Variants in ROCK2 observed in about 807,000 individuals in gnomAD.
ROCK2 encodes rho-associated protein kinase 2.
Under a neutral mutation model 195.1 loss-of-function variants are expected in ROCK2, and 61 were observed. The ratio of observed to expected loss-of-function variants is 0.31; its 90% CI spans 0.25 to 0.39. The LOEUF (loss-of-function observed/expected upper bound fraction) is 0.39. Among genes scored for constraint, ROCK2 ranks in the 10% least tolerant of loss-of-function variants. The probability of loss-of-function intolerance (pLI) is 1.00; values close to 1 mark genes in which losing one functional copy is unlikely to be tolerated. For synonymous variants in ROCK2, 504 were observed against 545.5 expected (o/e 0.92, Z 1.06); for missense variants, 1,109 against 1,637.4 (o/e 0.68, Z 5.57).
In ROCK2 at chr2:11,179,940, T is replaced by C. The variant is rs560052685; in HGVS notation, c.*3497A>G. The C allele has an allele frequency of 2.0e-5, 3 of 152,260 alleles. No individual in the cohort carries two copies. In the South Asian group the frequency reaches 6.2e-4, roughly 32 times the overall value. 9.4% of individuals were successfully genotyped at this position (152,260 alleles called of 1,614,324 possible). A position where few individuals can be genotyped will look rare whatever the true frequency, so the allele number is the denominator to read the frequency against. On this transcript the variant is annotated 3_prime_UTR_variant, in exon 33 of 33. Coordinates refer to ENST00000315872, the MANE Select transcript of ROCK2 (RefSeq NM_004850.5). ...TTTCTAAACCATGCAGTTCATTACT[T>C]ATTACAATTCCAAACAAAACTCATT...
chr2:11,274,320 C>A (rs1308760435), intron 3 of ROCK2, among the ~76,000 whole-genome samples: 1 of 151,452 alleles, frequency 6.6e-6, no homozygotes, highest in Non-Finnish European at 1.5e-5. Flanking sequence ...TCAATGAAAC[C>A]AAAAGTTGGT....
intron 3 of ROCK2, among the ~76,000 whole-genome samples, chr2:11,263,672 CAA>C (rs35525681): frequency 6.9e-5 from 10 of 145,290 alleles, no homozygotes; most frequent in South Asian, 2.1e-4. Context: ...CACACACACA[CAA>C]AAAAAAACAA....
At chr2:11,241,681 T>C (rs1022718790) in intron 4 of ROCK2, among the ~76,000 whole-genome samples, 2 of 152,172 alleles carry the variant, frequency 1.3e-5, no homozygotes, top group African/African-American at 4.8e-5. Flanking sequence ...GTTTTGTCAA[T>C]ATGTAATGTT....
At chr2:11,334,510 CAAA>C (rs34182610) in intron 1 of ROCK2, among the ~76,000 whole-genome samples, 76 of 89,648 alleles carry the variant, frequency 8.5e-4, no homozygotes, top group African/African-American at 2.9e-3. Flanking sequence ...GACTCTGTCT[CAAA>C]AAAAAAAAAA....
intron 1 of ROCK2, among the ~76,000 whole-genome samples, chr2:11,300,359 G>A (rs1667666178): frequency 6.6e-6 from 1 of 152,114 alleles, no homozygotes; most frequent in Non-Finnish European, 1.5e-5. Flanking sequence ...GCCCTCCCAG[G>A]TTCAAGAGAT....
chr2:11,338,224 G>A (rs1356741309), intron 1 of ROCK2, among the ~76,000 whole-genome samples: 3 of 151,990 alleles, frequency 2.0e-5, no homozygotes, highest in East Asian at 1.9e-4. Context: ...AGTGGCACAG[G>A]CCTGTAGTCC....
chr2:11,248,635 G>A (rs1284188031), intron 4 of ROCK2, among the ~76,000 whole-genome samples: 1 of 138,248 alleles, frequency 7.2e-6, no homozygotes, highest in Non-Finnish European at 1.5e-5. Flanking sequence ...CTTGAACCCG[G>A]GAAGCAGAGG....
At chr2:11,294,625 T>C (rs1283983211) in intron 1 of ROCK2, among the ~76,000 whole-genome samples, 2 of 152,156 alleles carry the variant, frequency 1.3e-5, no homozygotes, top group East Asian at 3.8e-4. Context: ...AAATTCTGAT[T>C]TTTTTCTTCT....
chr2:11,236,203 C>T (rs571076502), intron 4 of ROCK2, among the ~76,000 whole-genome samples: 136 of 151,914 alleles, frequency 9.0e-4, no homozygotes, highest in Admixed American at 1.6e-3. Context: ...TCATGGAGAA[C>T]ACAATACAAA....
chr2:11,223,601 T>C (rs576533327), intron 7 of ROCK2, among the ~76,000 whole-genome samples: 1 of 152,238 alleles, frequency 6.6e-6, no homozygotes, highest in Admixed American at 6.5e-5. Context: ...AGTAAAATTA[T>C]TTCCCAAAAA....
At chr2:11,292,799 T>C (rs1240482315) in intron 1 of ROCK2, among the ~76,000 whole-genome samples, 1 of 152,192 alleles carries the variant, frequency 6.6e-6, no homozygotes, top group Non-Finnish European at 1.5e-5. Context: ...TGTCCAAATC[T>C]CATGTCAAAT....
At chr2:11,328,299 T>C (rs1668608476) in intron 1 of ROCK2, among the ~76,000 whole-genome samples, 1 of 151,838 alleles carries the variant, frequency 6.6e-6, no homozygotes, top group South Asian at 2.1e-4. Flanking sequence ...AATAATATGC[T>C]ACATTTGGGG....
intron 6 of ROCK2, 92 bp from the exon 7 acceptor site, chr2:11,224,552 G>C: frequency 8.7e-7 from 1 of 1,147,592 alleles, no homozygotes; most frequent in Non-Finnish European, 1.3e-6. Flanking sequence ...GTTTAAATTT[G>C]TCACATGCAG....
chr2:11,268,178 T>C (rs1183036506), intron 3 of ROCK2, among the ~76,000 whole-genome samples: 1 of 151,836 alleles, frequency 6.6e-6, no homozygotes, highest in Admixed American at 6.6e-5. Context: ...CAAGCAGAAA[T>C]TGCCACAGGA....
In ROCK2 at chr2:11,344,455, G is replaced by A; in HGVS notation, c.-319C>T. ...TGCCCGCAGGAGTCCTCGGGCGGGA[G>A]CAGGGAAGTGGCGCCGCCACCGCCG... On this transcript the variant is annotated 5_prime_UTR_variant, in exon 1 of 33. Transcript: ENST00000315872. This position sits in a 1 kb window ranked among gnomAD's most constrained non-coding sequence, Gnocchi z 5.4. The A allele has an allele frequency of 2.0e-6, 2 of 1,019,350 alleles. No homozygotes were observed. The highest frequency in any genetic ancestry group is 8.7e-5 in the East Asian group (1 of 11,438). The allele number at this position is 1,019,350 out of a possible 1,614,324, so 63.1% of individuals were successfully genotyped here.
intron 32 of ROCK2, among the ~76,000 whole-genome samples, chr2:11,189,519 T>A (rs1663334232): frequency 6.6e-6 from 1 of 152,234 alleles, no homozygotes; most frequent in South Asian, 2.1e-4. Flanking sequence ...TTTAACTGTT[T>A]AGTGCTATTT....
chr2:11,192,079 GT>G lies in ROCK2; in HGVS notation c.4163+68del, dbSNP rs1663443887. The G allele has an allele frequency of 8.6e-7, 1 of 1,157,872 alleles. No individual in the cohort carries two copies. The allele number at this position is 1,157,872 out of a possible 1,614,324, so 71.7% of individuals were successfully genotyped here. A position where few individuals can be genotyped will look rare whatever the true frequency, so the allele number is the denominator to read the frequency against. On this transcript the variant is annotated intron_variant, in intron 32 of 32. Transcript: ENST00000315872. The surrounding 1 kb of genome is among the most constrained non-coding windows in gnomAD (Gnocchi z 5.0). Reference sequence around the variant, plus strand: ...GGAAAACTAATTAGGAAAATTTGTAGTTTGAACATAAATAGCAAAATATTTT... The same window carrying G: ...GGAAAACTAATTAGGAAAATTTGTAGTTGAACATAAATAGCAAAATATTTT...
chr2:11,202,759 GT>G (rs1663909478), intron 20 of ROCK2, among the ~76,000 whole-genome samples: 1 of 152,152 alleles, frequency 6.6e-6, no homozygotes, highest in African/African-American at 2.4e-5. Context: ...GCCTCCCAAA[GT>G]GCTGGGATTA....
intron 1 of ROCK2, among the ~76,000 whole-genome samples, chr2:11,312,456 C>T (rs1242733467): frequency 1.3e-5 from 2 of 152,072 alleles, no homozygotes; most frequent in Admixed American, 1.3e-4. Flanking sequence ...CAAAAGCCCC[C>T]ACTTTCTCCA....
Sources: allele counts gnomAD v4.1 joint callset (sites outside exome capture counted in the v4.1 genomes callset), GRCh38; gene constraint gnomAD v4.1.1; non-coding constraint Gnocchi (gnomAD v3.1); transcripts MANE v1.5; gene names NCBI Gene and HGNC (gene_info 2026-07-23, HGNC 2026-07-21).